Variants in SMYD1 observed in about 807,000 individuals in gnomAD.
The protein encoded by SMYD1 is SET and MYND domain containing 1.
Under a neutral mutation model 54.0 loss-of-function variants are expected in SMYD1, and 49 were observed. The observed-to-expected ratio is 0.91, with a 90% CI of 0.72 to 1.15. SMYD1 has a LOEUF of 1.15. SMYD1 is among the 50% of genes most tolerant of loss of function. The pLI, the probability that SMYD1 is intolerant of heterozygous loss-of-function variation, is 0.00. For synonymous variants in SMYD1, 269 were observed against 234.2 expected (o/e 1.15, Z -1.36); for missense variants, 653 against 639.6 (o/e 1.02, Z -0.23).
chr2:88,108,029 G>A (rs1021046761), intron 8 of SMYD1, among the ~76,000 whole-genome samples: 3 of 152,216 alleles, frequency 2.0e-5, no homozygotes, highest in Non-Finnish European at 4.4e-5. Flanking sequence ...CGTCTTCTGC[G>A]TCGCTGACGC....
At chr2:88,093,932 G>A (rs1558854107) in intron 5 of SMYD1, among the ~76,000 whole-genome samples, 1 of 152,094 alleles carries the variant, frequency 6.6e-6, no homozygotes, top group African/African-American at 2.4e-5. Flanking sequence ...CTGTTTATAA[G>A]CCCCAACTTC....
In SMYD1 at chr2:88,087,849, G is replaced by T. The variant is rs1352234674; in HGVS notation, c.315-13G>T. On this transcript the variant is annotated splice_polypyrimidine_tract_variant and intron_variant, in intron 2 of 9. Coordinates refer to ENST00000419482, the MANE Select transcript of SMYD1 (RefSeq NM_198274.4). ...GCAGCTGTAGTGGCCTCCTGACGCT[G>T]CCCTTCCCACAGGCTGGCGGCGCGC... 6.4e-7 allele frequency: 1 copy of T among 1,556,188 alleles called. No homozygotes were observed. Among genetic ancestry groups the T allele is most frequent in the Non-Finnish European group, 8.7e-7 (1 of 1,150,620 alleles).
Position 88,081,813 on chromosome 2 carries a change from T to A in SMYD1, c.138-2503T>A, listed in dbSNP as rs118084149. 2.0e-5 allele frequency among the ~76,000 whole-genome samples: 3 copies of A among 152,292 alleles called. No homozygotes were observed. The East Asian group carries it at 5.8e-4, about 29-fold the overall frequency. ...AATGTGGAGATCCGGCAAGTGTACA[T>A]GGCACCACATCTGAATAGCACACTC... On this transcript the variant is annotated intron_variant, in intron 1 of 9. Transcript: ENST00000419482.
chr2:88,079,024 T>A (rs1369138292), intron 1 of SMYD1, among the ~76,000 whole-genome samples: 2 of 152,266 alleles, frequency 1.3e-5, no homozygotes, highest in Non-Finnish European at 2.9e-5. Context: ...TTGGAACCCA[T>A]CCAAGTTCAC....
intron 4 of SMYD1, among the ~76,000 whole-genome samples, chr2:88,092,273 G>A (rs1005249785): frequency 2.6e-5 from 4 of 152,120 alleles, no homozygotes; most frequent in African/African-American, 7.2e-5. Context: ...AGATGAGGGG[G>A]GACATAAGGG....
chr2:88,067,980 A>C lies in SMYD1; in HGVS notation c.116A>C (p.Tyr39Ser). The change falls in exon 1 of 10, where the codon TAT (tyrosine) becomes TCT (serine). Residue 39 changes from tyrosine to serine, a missense_variant. Transcript: ENST00000419482. ...AADIIFAERA[Y>S]SAVVFDSLVN... ...GATATCATCTTTGCTGAGCGGGCTT[A>C]TTCCGCAGTGGTTTTTGACAGGTAT... The C allele has an allele frequency of 1.2e-6, 2 of 1,613,654 alleles. No individual in the cohort carries two copies. The highest frequency in any genetic ancestry group is 1.7e-6 in the Non-Finnish European group (2 of 1,179,998).
chr2:88,084,229 C>A, intron 1 of SMYD1, 87 bp from the exon 2 acceptor site: 1 of 1,141,814 alleles, frequency 8.8e-7, no homozygotes, highest in South Asian at 2.3e-5. Context: ...GCCAGCTGAA[C>A]CAGTACTGGA....
In SMYD1 at chr2:88,067,954, A is replaced by G; in HGVS notation, c.90A>G (p.Ala30=). 6.2e-7 allele frequency: 1 copy of G among 1,613,990 alleles called. No homozygotes were observed. The highest frequency in any genetic ancestry group is 8.5e-7 in the Non-Finnish European group (1 of 1,180,030). ...AGGCCACCAAGGAGTTCTGGGCTGCAGATATCATCTTTGCTGAGCGGGCTT... is the reference window on the plus strand; with the variant it reads ...AGGCCACCAAGGAGTTCTGGGCTGCGGATATCATCTTTGCTGAGCGGGCTT... The part of the protein sequence containing the change: ...GLKATKEFWA[A]DIIFAERAYS... Residue 30 remains alanine, a synonymous_variant, in exon 1 of 10, where the codon GCA becomes GCG. Transcript: ENST00000419482.
chr2:88,101,842 G>A (rs1479948659), intron 6 of SMYD1, among the ~76,000 whole-genome samples: 1 of 152,196 alleles, frequency 6.6e-6, no homozygotes, highest in Non-Finnish European at 1.5e-5. Context: ...CTGACCTCAG[G>A]TAATCTGCCC....
chr2:88,089,535 A>G (rs1404282077), intron 3 of SMYD1, among the ~76,000 whole-genome samples: 1 of 150,538 alleles, frequency 6.6e-6, no homozygotes, highest in Non-Finnish European at 1.5e-5. Context: ...GCTTGTGCCC[A>G]GGGAAAGTCT....
chr2:88,090,671 G>A (rs1674440954), intron 3 of SMYD1, among the ~76,000 whole-genome samples: 1 of 152,070 alleles, frequency 6.6e-6, no homozygotes, highest in Non-Finnish European at 1.5e-5. Context: ...ACAAAGCAGG[G>A]TACAGAGAGA....
At chr2:88,094,457 A>G (rs2970907) in intron 5 of SMYD1, among the ~76,000 whole-genome samples, 88,128 of 151,950 alleles carry the variant, frequency 0.58, 26,182 homozygotes, top group African/African-American at 0.7. Flanking sequence ...TGGGGTCCAG[A>G]GTGGGGATGA....
chr2:88,098,600 C>T (rs1674654161), intron 6 of SMYD1, among the ~76,000 whole-genome samples: 1 of 152,094 alleles, frequency 6.6e-6, no homozygotes, highest in Non-Finnish European at 1.5e-5. Flanking sequence ...AAAGCAAATG[C>T]TTCTTCAGGC....
At chr2:88,107,488 C>T (rs1248493575) in intron 8 of SMYD1, among the ~76,000 whole-genome samples, 8 of 152,112 alleles carry the variant, frequency 5.3e-5, no homozygotes, top group African/African-American at 7.2e-5. Flanking sequence ...TTTGGGGAGA[C>T]GTCTGAGGTA....
At chr2:88,098,060 G>A (rs1324572028) in intron 6 of SMYD1, among the ~76,000 whole-genome samples, 1 of 152,128 alleles carries the variant, frequency 6.6e-6, no homozygotes, top group Non-Finnish European at 1.5e-5. Flanking sequence ...CATCATGGGC[G>A]CTACAGAAAA....
chr2:88,104,029 C>T (rs1461949935), intron 7 of SMYD1, among the ~76,000 whole-genome samples: 4 of 150,850 alleles, frequency 2.7e-5, no homozygotes, highest in Non-Finnish European at 5.9e-5. Context: ...TGCAGTGGCA[C>T]GATTTCGGCT....
rs145939300 is a variant in SMYD1 at position 88,108,405 on chromosome 2, A to C, written c.1180A>C (p.Met394Leu). ...LYHPNNAQLG[M>L]AVMRAGLTNW... ...CCACCCCAACAATGCCCAACTGGGC[A>C]TGGCCGTGATGCGGGCAGGGCTGAC... is the stretch of plus-strand genomic sequence containing the variant. The change falls in exon 9 of 10, where the codon ATG (methionine) becomes CTG (leucine). Residue 394 changes from methionine (M) to leucine (L), a missense_variant. Physicochemically the swap from Met to Leu is conservative, Grantham distance 15. Coordinates refer to ENST00000419482, the MANE Select transcript of SMYD1 (RefSeq NM_198274.4). 2.2e-4 allele frequency: 354 copies of C among 1,607,102 alleles called. No individual in the cohort carries two copies. Among genetic ancestry groups the C allele is most frequent in the Non-Finnish European group, 2.9e-4 (340 of 1,177,370 alleles).
intron 6 of SMYD1, among the ~76,000 whole-genome samples, chr2:88,100,928 G>T (rs188201285): frequency 1.2e-4 from 19 of 152,256 alleles, no homozygotes; most frequent in Non-Finnish European, 1.9e-4. Context: ...CTCCCGGGAG[G>T]CCCAGATACA....
intron 4 of SMYD1, among the ~76,000 whole-genome samples, chr2:88,093,307 C>A (rs1417995180): frequency 6.6e-6 from 1 of 152,188 alleles, no homozygotes; most frequent in African/African-American, 2.4e-5. Flanking sequence ...ACCTTTGAAT[C>A]CAGAATGTCT....
Sources: gnomAD v4.1 joint callset for allele counts (sites outside exome capture counted in the v4.1 genomes callset) on GRCh38, gnomAD v4.1.1 for gene constraint, MANE v1.5 for transcripts, NCBI Gene and HGNC (gene_info 2026-07-23, HGNC 2026-07-21) for gene names.